Variants in PCDHGB1 observed in about 807,000 individuals in gnomAD.
The protein encoded by PCDHGB1 is protocadherin gamma-B1.
PCDHGB1 carries 34 observed loss-of-function variants against 56.6 expected under a neutral mutation model. That is an observed-to-expected ratio of 0.60 (90% confidence interval 0.46 to 0.80). The LOEUF (loss-of-function observed/expected upper bound fraction) is 0.80. PCDHGB1 is among the 30% of genes least tolerant of loss of function. PCDHGB1 has a pLI of 0.00. For synonymous variants in PCDHGB1, 561 were observed against 505.9 expected (o/e 1.11, Z -1.46); for missense variants, 1,278 against 1,204.6 (o/e 1.06, Z -0.90).
chr5:141,431,375 G>C lies in PCDHGB1; in HGVS notation c.2410-63432G>C. ...ACGCGCCCTGGACCGCGAAGAAAAG[G>C]CTGCTCACCACCTGGTCCTTACGGC... On this transcript the variant is annotated intron_variant, in intron 1 of 3. Transcript: ENST00000523390. This position sits in a 1 kb window ranked among gnomAD's most constrained non-coding sequence, Gnocchi z 4.8. 6.2e-7 allele frequency: 1 copy of C among 1,613,422 alleles called. No individual in the cohort carries two copies. The highest frequency in any genetic ancestry group is 8.5e-7 in the Non-Finnish European group (1 of 1,179,570).
intron 1 of PCDHGB1, chr5:141,414,597 C>G: frequency 6.2e-7 from 1 of 1,613,972 alleles, no homozygotes; most frequent in South Asian, 1.1e-5. Context: ...GGGGTGCCTC[C>G]ATCTTCTCAG....
rs375127524 is a variant in PCDHGB1, at chr5:141,490,702, C to G, written c.2410-4105C>G. ...AGATCCAGACACTGGGGATAATGCCCGCCTCACCTACTCCATTGTAGGAAA... is the reference window on the plus strand; with the variant it reads ...AGATCCAGACACTGGGGATAATGCCGGCCTCACCTACTCCATTGTAGGAAA... On this transcript the variant is annotated intron_variant, in intron 1 of 3. Coordinates refer to ENST00000523390, the MANE Select transcript of PCDHGB1 (RefSeq NM_018922.3). This position sits in a 1 kb window ranked among gnomAD's most constrained non-coding sequence, Gnocchi z 5.4. The G allele has an allele frequency of 1.2e-6, 2 of 1,614,060 alleles. No homozygotes were observed. Among genetic ancestry groups the G allele is most frequent in the Admixed American group, 1.7e-5 (1 of 60,008 alleles).
At chr5:141,370,537 G>C (rs1484817452) in intron 1 of PCDHGB1, 1 of 1,613,924 alleles carries the variant, frequency 6.2e-7, no homozygotes. Context: ...TCGCTGGTAG[G>C]GAACCTCGCC....
At chr5:141,453,652 T>C (rs1302902554) in intron 1 of PCDHGB1, among the ~76,000 whole-genome samples, 1 of 152,252 alleles carries the variant, frequency 6.6e-6, no homozygotes, top group Non-Finnish European at 1.5e-5. Context: ...TTATGTCCTC[T>C]TCTTTCTTAC....
At chr5:141,457,550 A>G (rs1331411755) in intron 1 of PCDHGB1, among the ~76,000 whole-genome samples, 1 of 152,230 alleles carries the variant, frequency 6.6e-6, no homozygotes, top group Non-Finnish European at 1.5e-5. Flanking sequence ...CAAATGTATG[A>G]TAAGCTTTGG....
chr5:141,454,932 C>G (rs945154196), intron 1 of PCDHGB1, among the ~76,000 whole-genome samples: 7 of 150,770 alleles, frequency 4.6e-5, no homozygotes, highest in Non-Finnish European at 1.0e-4. Context: ...CTCAGCCTCC[C>G]GAGTAGCTGG....
At chr5:141,404,371 C>T in intron 1 of PCDHGB1, 2 of 1,613,892 alleles carry the variant, frequency 1.2e-6, no homozygotes, top group Non-Finnish European at 1.7e-6. Flanking sequence ...CCATCTTCTC[C>T]GTGATTGCCT....
chr5:141,421,811 T>A, intron 1 of PCDHGB1: 1 of 1,613,766 alleles, frequency 6.2e-7, no homozygotes, highest in Non-Finnish European at 8.5e-7. Flanking sequence ...AATCCAGAGC[T>A]AGTACTGGAG....
At chr5:141,482,755 T>TGA (rs1554165462) in intron 1 of PCDHGB1, among the ~76,000 whole-genome samples, 1 of 143,580 alleles carries the variant, frequency 7.0e-6, no homozygotes, top group Admixed American at 6.9e-5. Context: ...GGGATTATGG[T>TGA]ATTTCATTAT....
chr5:141,357,542 GC>G lies in PCDHGB1; in HGVS notation c.2409+4875del, dbSNP rs1561515145. The stretch of plus-strand genomic sequence containing the variant: ...CCCAGCTATGCAGACACGCTCATCA[GC>G]CGGGAGAGTTGTGAGAAAAGCGAGC... On this transcript the variant is annotated intron_variant, in intron 1 of 3. Transcript: ENST00000523390. The G allele has an allele frequency of 2.5e-6, 4 of 1,614,210 alleles. No homozygotes were observed. In the East Asian group the frequency reaches 8.9e-5, roughly 36 times the overall value.
chr5:141,422,626 C>A, intron 1 of PCDHGB1: 2 of 1,613,334 alleles, frequency 1.2e-6, no homozygotes, highest in Non-Finnish European at 1.7e-6. Flanking sequence ...CGAAAACAAC[C>A]CCAGGGGTGC....
chr5:141,507,851 C>T (rs570052933), intron 3 of PCDHGB1, among the ~76,000 whole-genome samples: 48 of 152,322 alleles, frequency 3.2e-4, no homozygotes, highest in African/African-American at 1.1e-3. Context: ...CCTGCTCTCA[C>T]TTTCACACCC....
At chr5:141,376,137 A>G (rs1342753731) in intron 1 of PCDHGB1, 6 of 1,613,156 alleles carry the variant, frequency 3.7e-6, no homozygotes, top group South Asian at 1.1e-5. Context: ...GCCAAACCCA[A>G]CGATTCGGAC....
At chr5:141,380,907 C>T (rs1406481355) in intron 1 of PCDHGB1, among the ~76,000 whole-genome samples, 3 of 152,296 alleles carry the variant, frequency 2.0e-5, no homozygotes, top group Admixed American at 6.5e-5. Flanking sequence ...TCTACAAGTG[C>T]TTACATTGTT....
At chr5:141,444,637 G>C (rs2098443357) in intron 1 of PCDHGB1, among the ~76,000 whole-genome samples, 1 of 152,236 alleles carries the variant, frequency 6.6e-6, no homozygotes, top group Non-Finnish European at 1.5e-5. Context: ...CCAGTTCATT[G>C]AGGTAGGGGT....
At chr5:141,394,378 A>G (rs373024642) in intron 1 of PCDHGB1, 91 of 1,614,090 alleles carry the variant, frequency 5.6e-5, no homozygotes, top group Non-Finnish European at 6.9e-5. Flanking sequence ...TCTTTCGACT[A>G]TGAGCAGATC....
In PCDHGB1 at chr5:141,490,770, C is replaced by T. The variant is rs774014462; in HGVS notation, c.2410-4037C>T. 1.2e-6 allele frequency: 2 copies of T among 1,614,120 alleles called. No individual in the cohort carries two copies. Among genetic ancestry groups the T allele is most frequent in the Non-Finnish European group, 8.5e-7 (1 of 1,179,968 alleles). ...CAGCCTCCTCCTTTGTGTATGTCAA[C>T]CCAGAGGATGGACGGATCTTTGCCC... On this transcript the variant is annotated intron_variant, in intron 1 of 3. Transcript: ENST00000523390. The surrounding 1 kb of genome is among the most constrained non-coding windows in gnomAD (Gnocchi z 5.4).
At chr5:141,415,040 C>T (rs772941952) in intron 1 of PCDHGB1, 8 of 1,613,520 alleles carry the variant, frequency 5.0e-6, no homozygotes, top group South Asian at 1.1e-5. Context: ...GGACTCTTCG[C>T]GGTGGGGGAG....
chr5:141,405,016 C>A (rs538744733), intron 1 of PCDHGB1: 1 of 1,614,006 alleles, frequency 6.2e-7, no homozygotes, highest in African/African-American at 1.3e-5. Flanking sequence ...AGGCCTCAGA[C>A]CTTACCCTCT....
Sources: allele counts gnomAD v4.1 joint callset (sites outside exome capture counted in the v4.1 genomes callset), GRCh38; gene constraint gnomAD v4.1.1; non-coding constraint Gnocchi (gnomAD v3.1); transcripts MANE v1.5; gene names NCBI Gene and HGNC (gene_info 2026-07-23, HGNC 2026-07-21).